The following FAF1 variants were observed in gnomAD, a reference collection of about 807,000 sequenced individuals.
FAF1 encodes Fas associated factor 1.
Under a neutral mutation model 92.5 loss-of-function variants are expected in FAF1, and 25 were observed. That is an observed-to-expected ratio of 0.27 (90% confidence interval 0.20 to 0.38). The LOEUF is 0.38. Ranked by LOEUF, FAF1 falls within the 10% of genes least tolerant of loss-of-function variation. The probability of loss-of-function intolerance (pLI) is 1.00; values close to 1 mark genes in which losing one functional copy is unlikely to be tolerated. For synonymous variants in FAF1, 234 were observed against 273.2 expected, an observed-to-expected ratio of 0.86 and a Z score of 1.42; for missense variants, 636 against 793.3, an observed-to-expected ratio of 0.80 and a Z score of 2.38.
intron 2 of FAF1, among the ~76,000 whole-genome samples, chr1:50,827,548 T>C (rs1360828244): frequency 6.6e-6 from 1 of 152,118 alleles, no homozygotes; most frequent in East Asian, 1.9e-4. Context: ...CACGTGTTTA[T>C]CTGCTGACCT....
intron 17 of FAF1, among the ~76,000 whole-genome samples, chr1:50,483,312 T>C (rs1411765881): frequency 6.6e-6 from 1 of 152,170 alleles, no homozygotes; most frequent in African/African-American, 2.4e-5. Context: ...CAATTGACCA[T>C]ATATGTGTGG....
At chr1:50,687,430 T>C (rs1334938817) in intron 7 of FAF1, among the ~76,000 whole-genome samples, 1 of 149,872 alleles carries the variant, frequency 6.7e-6, no homozygotes, top group East Asian at 2.0e-4. Flanking sequence ...AGAAGTTCTA[T>C]AAATGGTCAA....
At chr1:50,752,772 T>A (rs1659918661) in intron 4 of FAF1, among the ~76,000 whole-genome samples, 1 of 152,118 alleles carries the variant, frequency 6.6e-6, no homozygotes, top group Non-Finnish European at 1.5e-5. Context: ...AGCCTCCGCC[T>A]CCCGGGTTCA....
chr1:50,446,975 T>C (rs1055746345), intron 18 of FAF1, among the ~76,000 whole-genome samples: 1 of 129,044 alleles, frequency 7.7e-6, no homozygotes, highest in African/African-American at 3.0e-5. Flanking sequence ...CTTCTGCTGG[T>C]TCCCTAATAA....
chr1:50,803,574 T>C (rs1662080726), intron 2 of FAF1, among the ~76,000 whole-genome samples: 1 of 152,136 alleles, frequency 6.6e-6, no homozygotes, highest in Admixed American at 6.5e-5. Context: ...TCAATAATTA[T>C]TTATTAAAGG....
intron 15 of FAF1, among the ~76,000 whole-genome samples, chr1:50,504,389 G>A (rs990500708): frequency 4.6e-5 from 7 of 151,010 alleles, no homozygotes; most frequent in South Asian, 2.1e-4. Context: ...CAGTAGCTTG[G>A]ACATAGGTAA....
At chr1:50,802,714 A>G (rs1662042121) in intron 2 of FAF1, among the ~76,000 whole-genome samples, 1 of 152,192 alleles carries the variant, frequency 6.6e-6, no homozygotes, top group African/African-American at 2.4e-5. Context: ...AAACAACAAC[A>G]TAAGCCCAAC....
At chr1:50,603,054 AC>A (rs1392649410) in intron 8 of FAF1, among the ~76,000 whole-genome samples, 1 of 152,226 alleles carries the variant, frequency 6.6e-6, no homozygotes, top group African/African-American at 2.4e-5. Context: ...ACAGGTACTG[AC>A]TGGTGAACCA....
chr1:50,616,543 T>C (rs757481009), intron 8 of FAF1, among the ~76,000 whole-genome samples: 3 of 152,144 alleles, frequency 2.0e-5, no homozygotes, highest in Non-Finnish European at 2.9e-5. Context: ...ATTTTAGAGA[T>C]CTTCCACCTC....
chr1:50,887,409 G>T (rs1019034551), intron 1 of FAF1, among the ~76,000 whole-genome samples: 7 of 152,026 alleles, frequency 4.6e-5, no homozygotes, highest in Admixed American at 2.0e-4. Flanking sequence ...TTTTGGCTTT[G>T]GTTGCCATTG....
intron 2 of FAF1, among the ~76,000 whole-genome samples, chr1:50,848,194 T>TC (rs1375953659): frequency 6.6e-6 from 1 of 151,926 alleles, no homozygotes; most frequent in East Asian, 1.9e-4. Flanking sequence ...AAATTAACTT[T>TC]CCCCCCACAT....
intron 15 of FAF1, among the ~76,000 whole-genome samples, chr1:50,502,403 G>C (rs779665118): frequency 1.3e-5 from 2 of 152,146 alleles, no homozygotes; most frequent in African/African-American, 2.4e-5. Context: ...AGCTTAGCCC[G>C]CTTGATTTTA....
At position 50,441,462 on chromosome 1, in the gene FAF1, A is replaced by G; in HGVS notation, c.1931T>C (p.Leu644Pro). The G allele has an allele frequency of 6.5e-7, 1 of 1,542,120 alleles. No homozygotes were observed. Among genetic ancestry groups the G allele is most frequent in the Non-Finnish European group, 8.8e-7 (1 of 1,139,560 alleles). ...TGTTTACTCTTTTGCTTCAAGGAAA[A>G]GGGTTTCTTGAGGGAACAACTTTAC... ...LEVKLFPQETLFLEAKE is the reference protein window; with the variant it reads ...LEVKLFPQETPFLEAKE Residue 644 changes from leucine to proline, a missense_variant, in exon 19 of 19, where the codon CTT (leucine) becomes CCT (proline). Transcript: ENST00000396153.
At chr1:50,790,984 T>C (rs1489314335) in intron 3 of FAF1, among the ~76,000 whole-genome samples, 1 of 152,154 alleles carries the variant, frequency 6.6e-6, no homozygotes, top group Non-Finnish European at 1.5e-5. Context: ...TAGATGTATA[T>C]GTGTGTTTGG....
At chr1:50,669,508 A>T (rs1655774808) in intron 7 of FAF1, among the ~76,000 whole-genome samples, 8 of 152,202 alleles carry the variant, frequency 5.3e-5, no homozygotes, top group Admixed American at 5.2e-4. Flanking sequence ...GATGTTGACT[A>T]TCTTAATGGA....
In FAF1 at chr1:50,654,058, T is replaced by C. The variant is rs1654996755; in HGVS notation, c.744+1384A>G. ...AAAGCATGTTCCAAAGGCATACTGT[T>C]TACATTGTAATTAGATTCAAGTAGC... On this transcript the variant is annotated intron_variant, in intron 8 of 18. Coordinates refer to ENST00000396153, the MANE Select transcript of FAF1 (RefSeq NM_007051.3). Among the ~76,000 whole-genome samples the C allele has an allele frequency of 2.0e-5, 3 of 152,212 alleles. No individual in the cohort carries two copies. The South Asian group carries it at 6.2e-4, about 32-fold the overall frequency.
At chr1:50,496,073 A>G (rs1279264868) in intron 15 of FAF1, among the ~76,000 whole-genome samples, 1 of 152,246 alleles carries the variant, frequency 6.6e-6, no homozygotes, top group African/African-American at 2.4e-5. Context: ...GATGTAATTT[A>G]TGACACCCTC....
chr1:50,545,812 A>G (rs1279428806), intron 13 of FAF1, among the ~76,000 whole-genome samples: 1 of 152,346 alleles, frequency 6.6e-6, no homozygotes, highest in Non-Finnish European at 1.5e-5. Context: ...TCATGTGGAA[A>G]TCACCTATGT....
chr1:50,926,629 C>T (rs1163204806), intron 1 of FAF1, among the ~76,000 whole-genome samples: 1 of 152,004 alleles, frequency 6.6e-6, no homozygotes, highest in East Asian at 1.9e-4. Flanking sequence ...ATGCTAATTA[C>T]TCTGATTTGA....
Sources: allele counts gnomAD v4.1 joint callset (sites outside exome capture counted in the v4.1 genomes callset), GRCh38; gene constraint gnomAD v4.1.1; transcripts MANE v1.5; gene names NCBI Gene and HGNC (gene_info 2026-07-23, HGNC 2026-07-21).